Variants in MNAT1 observed in about 807,000 individuals in gnomAD.
MNAT1 encodes the protein MNAT1 component of CDK activating kinase.
In MNAT1, 43 loss-of-function variants were observed where a neutral mutation model predicts 42.0. The observed-to-expected ratio is 1.02, with a 90% CI of 0.80 to 1.32. The LOEUF is 1.32. Ranked by LOEUF, MNAT1 falls within the 40% of genes most tolerant of loss-of-function variation. MNAT1 has a pLI of 0.00. For missense variants in MNAT1, 306 were observed against 350.4 expected (o/e 0.87, Z 1.01); for synonymous variants, 118 against 120.0 (o/e 0.98, Z 0.11).
intron 7 of MNAT1, among the ~76,000 whole-genome samples, chr14:60,952,300 A>G (rs765075980): frequency 6.6e-6 from 1 of 152,182 alleles, no homozygotes; most frequent in Admixed American, 6.5e-5. Context: ...ACTTCATGCT[A>G]CATATAGCAG....
chr14:60,772,227 C>T (rs926901774), intron 1 of MNAT1, among the ~76,000 whole-genome samples: 2 of 152,238 alleles, frequency 1.3e-5, no homozygotes, highest in East Asian at 1.9e-4. Context: ...GCACCACTGC[C>T]TCCAGACTGG....
intron 6 of MNAT1, among the ~76,000 whole-genome samples, chr14:60,857,726 C>T (rs1022556330): frequency 3.3e-5 from 5 of 151,712 alleles, no homozygotes; most frequent in Non-Finnish European, 7.4e-5. Context: ...CCTCCCCCAG[C>T]CCCCCATCCC....
intron 7 of MNAT1, among the ~76,000 whole-genome samples, chr14:60,913,502 T>G (rs1200961272): frequency 6.6e-6 from 1 of 152,118 alleles, no homozygotes; most frequent in East Asian, 1.9e-4. Context: ...CAGATGGGTT[T>G]TTGGTGTGGA....
chr14:60,869,040 A>ATATATATATATATATTTTTTT (rs1465360826), intron 6 of MNAT1, among the ~76,000 whole-genome samples: 2 of 113,052 alleles, frequency 1.8e-5, no homozygotes, highest in African/African-American at 3.4e-5. Flanking sequence ...ATATATATAT[A>ATATATATATATATATTTTTTT]TTTTTTTTTT....
chr14:60,808,230 C>G, intron 3 of MNAT1, 95 bp from the exon 4 acceptor site: 3 of 699,756 alleles, frequency 4.3e-6, no homozygotes, highest in Non-Finnish European at 2.3e-6. Flanking sequence ...GAATGACAAC[C>G]TAACAAATGA....
intron 3 of MNAT1, among the ~76,000 whole-genome samples, chr14:60,806,686 C>T (rs531653008): frequency 2.5e-4 from 38 of 152,274 alleles, no homozygotes; most frequent in Admixed American, 7.8e-4. Flanking sequence ...CAAAAATTAG[C>T]CAGGCATGGT....
intron 1 of MNAT1, among the ~76,000 whole-genome samples, chr14:60,795,644 T>C (rs559261287): frequency 6.6e-6 from 1 of 152,308 alleles, no homozygotes; most frequent in South Asian, 2.1e-4. Context: ...GTGTTCATTT[T>C]CTCCCTCACA....
chr14:60,809,788 G>A (rs1043124244), intron 4 of MNAT1, among the ~76,000 whole-genome samples: 1 of 151,962 alleles, frequency 6.6e-6, no homozygotes, highest in Non-Finnish European at 1.5e-5. Flanking sequence ...TTGCATTTTT[G>A]TTCATCAGGG....
chr14:60,938,805 T>C (rs1189464071), intron 7 of MNAT1, among the ~76,000 whole-genome samples: 3 of 152,224 alleles, frequency 2.0e-5, no homozygotes, highest in South Asian at 4.1e-4. Context: ...TCAGAAGGAA[T>C]GGTACCAGCT....
At chr14:60,769,141 ACTT>A (rs1166535075) in intron 1 of MNAT1, among the ~76,000 whole-genome samples, 17 of 152,124 alleles carry the variant, frequency 1.1e-4, no homozygotes, top group East Asian at 7.7e-4. Flanking sequence ...AGAAATGACT[ACTT>A]CTTTGAATTT....
At chr14:60,741,862 C>G (rs1896478540) in intron 1 of MNAT1, among the ~76,000 whole-genome samples, 1 of 151,854 alleles carries the variant, frequency 6.6e-6, no homozygotes, top group Non-Finnish European at 1.5e-5. Context: ...CTCTACTTCA[C>G]TGGGTCTTGC....
intron 1 of MNAT1, among the ~76,000 whole-genome samples, chr14:60,754,462 C>G (rs2030246320): frequency 6.6e-6 from 1 of 151,380 alleles, no homozygotes; most frequent in African/African-American, 2.4e-5. Context: ...ATTCTGCTGT[C>G]TCGCTCTCCT....
At position 60,918,248 on chromosome 14, in the gene MNAT1, G is replaced by A. The variant is rs1435491960; in HGVS notation, c.809+38413G>A. On this transcript the variant is annotated intron_variant, in intron 7 of 7. Coordinates refer to ENST00000261245, the MANE Select transcript of MNAT1 (RefSeq NM_002431.4). ...TTTTGAGATGGAGTCTCGGTCTGTC[G>A]CCCAGGCTGGAGTGCAGTGGTGCGA... 8.4e-5 allele frequency among the ~76,000 whole-genome samples: 9 copies of A among 107,122 alleles called. No individual in the cohort carries two copies. In the East Asian group the frequency reaches 1.2e-3, roughly 15 times the overall value. The allele number at this position is 107,122 out of a possible 152,430, so 70.3% of individuals were successfully genotyped here. A position where few individuals can be genotyped will look rare whatever the true frequency, so the allele number is the denominator to read the frequency against.
intron 1 of MNAT1, among the ~76,000 whole-genome samples, chr14:60,747,169 A>G (rs554944345): frequency 2.0e-5 from 3 of 151,240 alleles, no homozygotes; most frequent in Non-Finnish European, 4.4e-5. Context: ...TATTTTTAGT[A>G]GAGATGGGGT....
chr14:60,762,761 T>C (rs2030662114), intron 1 of MNAT1, among the ~76,000 whole-genome samples: 1 of 151,926 alleles, frequency 6.6e-6, no homozygotes, highest in African/African-American at 2.4e-5. Flanking sequence ...ATATTCTTTT[T>C]TTTTCCTTCC....
intron 7 of MNAT1, among the ~76,000 whole-genome samples, chr14:60,947,625 G>A (rs540832259): frequency 1.3e-5 from 2 of 152,302 alleles, no homozygotes; most frequent in South Asian, 2.1e-4. Flanking sequence ...AGAGGTTGCA[G>A]TAAGTCCAGA....
At chr14:60,915,501 GCACCTTGTT>G (rs2035493271) in intron 7 of MNAT1, among the ~76,000 whole-genome samples, 1 of 152,094 alleles carries the variant, frequency 6.6e-6, no homozygotes, top group African/African-American at 2.4e-5. Context: ...GCTTTAATCA[GCACCTTGTT>G]CACCTCATCA....
intron 1 of MNAT1, among the ~76,000 whole-genome samples, chr14:60,773,238 G>T (rs1594742969): frequency 1.3e-5 from 2 of 152,030 alleles, no homozygotes; most frequent in East Asian, 3.9e-4. Context: ...CGCCTGGCCT[G>T]TTTTTTATTT....
intron 2 of MNAT1, among the ~76,000 whole-genome samples, chr14:60,796,981 A>AT (rs2032039209): frequency 6.6e-6 from 1 of 151,948 alleles, no homozygotes; most frequent in Non-Finnish European, 1.5e-5. Flanking sequence ...GGGCATAGTA[A>AT]ATATATGTGT....
Sources: allele counts gnomAD v4.1 joint callset (sites outside exome capture counted in the v4.1 genomes callset), GRCh38; gene constraint gnomAD v4.1.1; transcripts MANE v1.5; gene names NCBI Gene and HGNC (gene_info 2026-07-23, HGNC 2026-07-21).